Variants in TXNDC11 observed in about 807,000 individuals in gnomAD.
The protein encoded by TXNDC11 is thioredoxin domain-containing protein 11.
Under a neutral mutation model 78.0 loss-of-function variants are expected in TXNDC11, and 68 were observed. The ratio of observed to expected loss-of-function variants is 0.87; its 90% CI spans 0.72 to 1.07. The LOEUF is 1.07. Among genes scored for constraint, TXNDC11 ranks in the 50% least tolerant of loss-of-function variants. TXNDC11 has a pLI of 0.00. For missense variants in TXNDC11, 1,389 were observed against 1,221.8 expected (o/e 1.14, Z -2.04); for synonymous variants, 571 against 495.2 (o/e 1.15, Z -2.03).
chr16:11,690,050 A>G (rs1479716413), intron 8 of TXNDC11: 1 of 152,230 alleles, frequency 6.6e-6, no homozygotes, highest in Non-Finnish European at 1.5e-5. Flanking sequence ...TTGAAAGAGG[A>G]TGGCTAAAAA....
chr16:11,712,616 G>C (rs2051395161), intron 5 of TXNDC11, among the ~76,000 whole-genome samples: 1 of 152,104 alleles, frequency 6.6e-6, no homozygotes, highest in African/African-American at 2.4e-5. Flanking sequence ...CTCACGTGCT[G>C]AGAGGATCTT....
intron 1 of TXNDC11, among the ~76,000 whole-genome samples, chr16:11,738,197 G>A (rs915967808): frequency 1.4e-4 from 22 of 152,320 alleles, no homozygotes; most frequent in Non-Finnish European, 2.2e-4. Context: ...AAGAGTACAT[G>A]CACTATGACT....
In TXNDC11 at chr16:11,691,631, A is replaced by G. The variant is rs2050717960; in HGVS notation, c.1559T>C (p.Ile520Thr). The G allele has an allele frequency of 6.2e-7, 1 of 1,614,220 alleles. No homozygotes were observed. Among genetic ancestry groups the G allele is most frequent in the African/African-American group, 1.3e-5 (1 of 75,062 alleles). Residue 520 changes from isoleucine (I) to threonine (T), a missense_variant, in exon 8 of 12, where the codon ATC becomes ACC. Transcript: ENST00000283033. ...TTCAAAGACACCTTGTTCAGAGTCG[A>G]TGAAGCCTGACACACCCCTGCTTAT... Reference protein sequence around the residue: ...RTISRGVSGFIDSEQGVFEAP... With the variant: ...RTISRGVSGFTDSEQGVFEAP...
At chr16:11,711,958 G>T (rs1325083429) in intron 5 of TXNDC11, among the ~76,000 whole-genome samples, 1 of 152,216 alleles carries the variant, frequency 6.6e-6, no homozygotes, top group Non-Finnish European at 1.5e-5. Flanking sequence ...GCCAAGGACA[G>T]ACCAGAACTG....
intron 3 of TXNDC11, among the ~76,000 whole-genome samples, chr16:11,731,636 G>A (rs184637275): frequency 6.6e-6 from 1 of 151,702 alleles, no homozygotes; most frequent in South Asian, 2.1e-4. Context: ...GCCCAGTGAA[G>A]AATTTTATAA....
At chr16:11,723,036 C>T (rs958208336) in intron 4 of TXNDC11, among the ~76,000 whole-genome samples, 4 of 152,092 alleles carry the variant, frequency 2.6e-5, no homozygotes, top group African/African-American at 9.7e-5. Context: ...GAGGGAGGAT[C>T]ATTTGAGGTC....
Position 11,679,710 on chromosome 16 carries a change from A to C in TXNDC11, c.2362T>G (p.Cys788Gly). 1 of 1,613,748 alleles carries C rather than the reference A, an allele frequency of 6.2e-7. No homozygotes were observed. Among genetic ancestry groups the C allele is most frequent in the South Asian group, 1.1e-5 (1 of 91,042 alleles). Residue 788 changes from cysteine (C) to glycine (G), a missense_variant, in exon 12 of 12, where the codon TGT becomes GGT. Cys to Gly is a radical substitution (Grantham distance 159). Transcript: ENST00000283033. The surrounding 1 kb of genome is among the most constrained non-coding windows in gnomAD (Gnocchi z 4.6). ...TGTAAGACTGCCTCGCTCTGAAGAC[A>C]CTCCTTGGTAGGAGAGTTAGCCACA... ...QNVANSPTKE[C>G]LQSEAVLQRG...
At chr16:11,682,857 G>T (rs1028574188) in intron 11 of TXNDC11, among the ~76,000 whole-genome samples, 1 of 152,042 alleles carries the variant, frequency 6.6e-6, no homozygotes, top group African/African-American at 2.4e-5. Context: ...AAGTACTCCC[G>T]CAAAAATTCT....
intron 5 of TXNDC11, among the ~76,000 whole-genome samples, chr16:11,705,049 C>A (rs1395118246): frequency 1.3e-5 from 2 of 152,086 alleles, no homozygotes; most frequent in African/African-American, 2.4e-5. Context: ...CATGCACCCC[C>A]ATGTCCAGCT....
intron 5 of TXNDC11, among the ~76,000 whole-genome samples, chr16:11,709,259 C>CTTTTTTTTTTTTTTT (rs60926291): frequency 1.4e-5 from 2 of 142,248 alleles, no homozygotes; most frequent in Non-Finnish European, 3.1e-5. Context: ...AGCTGTGATT[C>CTTTTTTTTTTTTTTT]TTTTTTTTTT....
At chr16:11,683,334 G>A (rs568561475) in intron 11 of TXNDC11, among the ~76,000 whole-genome samples, 2 of 152,288 alleles carry the variant, frequency 1.3e-5, no homozygotes, top group East Asian at 3.9e-4. Context: ...CATGGCGGAC[G>A]TTCACAGCAG....
rs1300949748 is a variant in TXNDC11 at position 11,691,849 on chromosome 16, G to A, written c.1341C>T (p.Asn447=). The change falls in exon 8 of 12, where the codon AAC becomes AAT. Residue 447 remains asparagine, a synonymous_variant. Transcript: ENST00000283033. ...TCGGCTTCATGCCCCCGGAGGTCTGGTTGACACAGAGTTCACAGACGTTGT... is the reference window on the plus strand; with the variant it reads ...TCGGCTTCATGCCCCCGGAGGTCTGATTGACACAGAGTTCACAGACGTTGT... ...RTHNVCELCV[N]QTSGGMKPSS... 1 of 1,614,266 alleles carries A rather than the reference G, an allele frequency of 6.2e-7. No homozygotes were observed. Among genetic ancestry groups the A allele is most frequent in the Non-Finnish European group, 8.5e-7 (1 of 1,180,040 alleles).
chr16:11,701,428 C>T (rs1264643267), intron 5 of TXNDC11, among the ~76,000 whole-genome samples: 1 of 152,148 alleles, frequency 6.6e-6, no homozygotes, highest in Non-Finnish European at 1.5e-5. Context: ...TGAGCCACCA[C>T]ACTCGGCCCA....
At chr16:11,703,509 T>TACACACACAC (rs34963301) in intron 5 of TXNDC11, among the ~76,000 whole-genome samples, 5 of 145,044 alleles carry the variant, frequency 3.4e-5, no homozygotes, top group East Asian at 4.0e-4. Flanking sequence ...AGGCTTTTGA[T>TACACACACAC]ACACACACAC....
chr16:11,691,099 G>A (rs1276683207), intron 8 of TXNDC11, 191 bp downstream of exon 8: 10 of 584,092 alleles, frequency 1.7e-5, no homozygotes, highest in Non-Finnish European at 2.7e-5. Context: ...GAGTGAGGAA[G>A]TTTCTGTTCC....
intron 5 of TXNDC11, among the ~76,000 whole-genome samples, chr16:11,719,767 T>C (rs1184282902): frequency 6.6e-6 from 1 of 152,152 alleles, no homozygotes; most frequent in Non-Finnish European, 1.5e-5. Context: ...AGACATTAAA[T>C]AAATCATCTT....
At chr16:11,697,397 A>G (rs2050887359) in intron 7 of TXNDC11, among the ~76,000 whole-genome samples, 1 of 151,992 alleles carries the variant, frequency 6.6e-6, no homozygotes, top group South Asian at 2.1e-4. Context: ...AAAAATAAAA[A>G]CCTCAGTAAA....
chr16:11,723,611 C>A (rs1597478302), intron 4 of TXNDC11, among the ~76,000 whole-genome samples: 1 of 151,502 alleles, frequency 6.6e-6, no homozygotes, highest in South Asian at 2.1e-4. Context: ...AAAAAAAAAA[C>A]CCACAAAACT....
At chr16:11,727,819 T>C (rs146097445) in intron 4 of TXNDC11, among the ~76,000 whole-genome samples, 1 of 152,336 alleles carries the variant, frequency 6.6e-6, no homozygotes, top group African/African-American at 2.4e-5. Context: ...TTTCTTCCTC[T>C]TAAGGCCTTA....
Sources: allele counts gnomAD v4.1 joint callset (sites outside exome capture counted in the v4.1 genomes callset), GRCh38; gene constraint gnomAD v4.1.1; non-coding constraint Gnocchi (gnomAD v3.1); transcripts MANE v1.5; gene names NCBI Gene and HGNC (gene_info 2026-07-23, HGNC 2026-07-21).